PCDHA1: variants seen among roughly 807,000 people sequenced by gnomAD.
PCDHA1 encodes protocadherin alpha 1.
A neutral mutation model predicts 61.3 loss-of-function variants in PCDHA1; 42 were observed. The observed-to-expected ratio is 0.69, with a 90% CI of 0.54 to 0.89. PCDHA1 has a LOEUF of 0.89. Ranked by LOEUF, PCDHA1 falls within the 40% of genes least tolerant of loss-of-function variation. PCDHA1 has a pLI of 0.00. For missense variants in PCDHA1, 1,256 were observed against 1,235.3 expected (o/e 1.02, Z -0.25); for synonymous variants, 610 against 553.8 (o/e 1.10, Z -1.43).
intron 1 of PCDHA1, chr5:140,865,770 T>C (rs1554159611): frequency 6.6e-6 from 1 of 152,200 alleles, no homozygotes; most frequent in Non-Finnish European, 1.5e-5. Context: ...GGAGATATTA[T>C]TCAAATGTGT....
rs782681619 is a variant in PCDHA1, at chr5:141,009,600, A to G, written c.2543-27A>G. On this transcript the variant is annotated intron_variant, in intron 3 of 3. Coordinates refer to ENST00000504120, the MANE Select transcript of PCDHA1 (RefSeq NM_018900.4). ...ATCAAGAGCATGTGTTGACCCTGTT[A>G]ATGATTTGTAATGTTTTGTCTTTCA... The G allele has an allele frequency of 1.9e-6, 3 of 1,607,002 alleles. No individual in the cohort carries two copies. In the Admixed American group the frequency reaches 5.0e-5, roughly 27 times the overall value.
At chr5:140,988,698 A>AT (rs782470160) in intron 3 of PCDHA1, among the ~76,000 whole-genome samples, 115 of 152,234 alleles carry the variant, frequency 7.6e-4, no homozygotes, top group Middle Eastern at 6.8e-3. Flanking sequence ...GACGCTCTGT[A>AT]TTTTCTTGGA....
rs781863404 is a variant in PCDHA1, at chr5:141,010,259, G to C, written c.*322G>C. 6.4e-7 allele frequency: 1 copy of C among 1,551,820 alleles called. No individual in the cohort carries two copies. The highest frequency in any genetic ancestry group is 1.2e-5 in the South Asian group (1 of 84,074). On this transcript the variant is annotated 3_prime_UTR_variant, in exon 4 of 4. Coordinates refer to ENST00000504120, the MANE Select transcript of PCDHA1 (RefSeq NM_018900.4). Reference sequence around the variant, plus strand: ...TGAGAGGTTGGACTCTCTGCCCTGTGCTCCGGGGATCCTGTCTTGATGACA... The same window carrying C: ...TGAGAGGTTGGACTCTCTGCCCTGTCCTCCGGGGATCCTGTCTTGATGACA...
intron 1 of PCDHA1, chr5:140,802,166 G>A: frequency 1.2e-6 from 2 of 1,614,168 alleles, no homozygotes; most frequent in South Asian, 1.1e-5. Flanking sequence ...TAGAAGCCAC[G>A]GATAAAGGAA....
rs1159995588 is a variant in PCDHA1, at chr5:140,947,341, A to G, written c.2395-31608A>G. ...GGTTGACCATAAATGTGTGGGCTTA[A>G]TTCTGGACTCTATTTCACTCCTTTG... is the stretch of plus-strand genomic sequence containing the variant. On this transcript the variant is annotated intron_variant, in intron 1 of 3. Transcript: ENST00000504120. Among the ~76,000 whole-genome samples the G allele has an allele frequency of 2.6e-5, 4 of 151,804 alleles. No individual in the cohort carries two copies. The South Asian group carries it at 6.2e-4, about 24-fold the overall frequency.
intron 1 of PCDHA1, chr5:140,795,505 G>C (rs1314870723): frequency 1.2e-6 from 2 of 1,614,008 alleles, no homozygotes; most frequent in African/African-American, 2.7e-5. Flanking sequence ...TTTCTTCCTA[G>C]ATATACAGGC....
At chr5:140,864,034 T>C (rs2048289814) in intron 1 of PCDHA1, 1 of 153,038 alleles carries the variant, frequency 6.5e-6, no homozygotes, top group African/African-American at 2.4e-5. Flanking sequence ...CTAGCCATCT[T>C]AATCACTTTT....
chr5:140,788,652 C>A lies in PCDHA1; in HGVS notation c.2362C>A (p.Gln788Lys). Residue 788 changes from glutamine to lysine, a missense_variant, in exon 1 of 4, where the codon CAA (glutamine) becomes AAA (lysine). Transcript: ENST00000504120. The part of the protein sequence containing the change: ...PSLNTSERNE[Q>K]PEANLDLSGN... ...TCTTAACACGTCAGAAAGAAATGAA[C>A]AACCAGAAGCAAATTTGGATCTTTC... 1 of 1,581,566 alleles carries A rather than the reference C, an allele frequency of 6.3e-7. No homozygotes were observed. Among genetic ancestry groups the A allele is most frequent in the Non-Finnish European group, 8.6e-7 (1 of 1,164,068 alleles).
rs373307820 is a variant in PCDHA1 at position 140,857,638 on chromosome 5, A to G, written c.2394+68954A>G. The G allele has an allele frequency of 1.1e-4, 174 of 1,596,206 alleles. 22 individuals are homozygous for G. The highest frequency in any genetic ancestry group is 1.4e-4 in the Non-Finnish European group (161 of 1,167,602). ...TGGACCACGAGGAGCTGGAGCTGCT[A>G]CAGTTCCAGGTGAGCGCGCGCGATG... is the stretch of plus-strand genomic sequence containing the variant. On this transcript the variant is annotated intron_variant, in intron 1 of 3. Transcript: ENST00000504120.
Position 141,010,115 on chromosome 5 carries a change from C to A in PCDHA1, c.*178C>A, listed in dbSNP as rs1037998611. 1.2e-6 allele frequency: 2 copies of A among 1,609,682 alleles called. No individual in the cohort carries two copies. The highest frequency in any genetic ancestry group is 2.2e-5 in the South Asian group (2 of 90,640). ...CATTTAACAGGTTTTGTCGTAAAAG[C>A]TTTACTAAGTCTGGTGTTAACTCTT... On this transcript the variant is annotated 3_prime_UTR_variant, in exon 4 of 4. Transcript: ENST00000504120.
At position 140,850,766 on chromosome 5, in the gene PCDHA1, G is replaced by A. The variant is rs2150497576; in HGVS notation, c.2394+62082G>A. The A allele has an allele frequency of 3.1e-6, 5 of 1,598,074 alleles. No homozygotes were observed. In the South Asian group the frequency reaches 4.4e-5, roughly 14 times the overall value. On this transcript the variant is annotated intron_variant, in intron 1 of 3. Coordinates refer to ENST00000504120, the MANE Select transcript of PCDHA1 (RefSeq NM_018900.4). ...CGTACTCGCAGCAGAGGAGGCAGAG[G>A]GTGTGCTCTGGCGAGGGTAAGCAGA...
At chr5:140,915,825 C>T (rs1272581051) in intron 1 of PCDHA1, among the ~76,000 whole-genome samples, 1 of 152,118 alleles carries the variant, frequency 6.6e-6, no homozygotes, top group Non-Finnish European at 1.5e-5. Flanking sequence ...GGCCCTAGGG[C>T]TCTAAGATCA....
intron 1 of PCDHA1, among the ~76,000 whole-genome samples, chr5:140,799,054 A>T (rs1262692335): frequency 1.3e-5 from 2 of 152,196 alleles, no homozygotes; most frequent in Non-Finnish European, 2.9e-5. Flanking sequence ...TTATATTCAC[A>T]TATATCCAAA....
At chr5:140,972,691 G>A (rs1213069719) in intron 1 of PCDHA1, among the ~76,000 whole-genome samples, 3 of 137,348 alleles carry the variant, frequency 2.2e-5, no homozygotes, top group Admixed American at 1.5e-4. Flanking sequence ...TTGAGATGGA[G>A]TCTCACTCTG....
rs377069661 is a variant in PCDHA1 at position 140,915,905 on chromosome 5, G to A, written c.2395-63044G>A. ...AGCAAGTTCCCCCTGGCCCTGGGCA[G>A]GCCCAGAGATGCTACTTGGGAGTCA... On this transcript the variant is annotated intron_variant, in intron 1 of 3. Transcript: ENST00000504120. Among the ~76,000 whole-genome samples, 6 of 152,266 alleles carry A rather than the reference G, an allele frequency of 3.9e-5. No individual in the cohort carries two copies. In the East Asian group the frequency reaches 1.2e-3, roughly 29 times the overall value.
chr5:141,009,103 C>G (rs1440460108), intron 3 of PCDHA1, among the ~76,000 whole-genome samples: 1 of 152,170 alleles, frequency 6.6e-6, no homozygotes, highest in African/African-American at 2.4e-5. Flanking sequence ...ACATATGTTA[C>G]TATGAAACTA....
At chr5:140,805,437 T>TTG (rs781705195) in intron 1 of PCDHA1, 10 of 1,050,880 alleles carry the variant, frequency 9.5e-6, no homozygotes, top group African/African-American at 1.7e-5. Context: ...GTTTTGGTTT[T>TTG]TGTGTGTGTG....
intron 1 of PCDHA1, among the ~76,000 whole-genome samples, chr5:140,954,580 T>C (rs1193569920): frequency 1.3e-5 from 2 of 152,174 alleles, no homozygotes; most frequent in African/African-American, 4.8e-5. Flanking sequence ...TTTTCAGAAG[T>C]GTCTGTTCAT....
rs1761326693 is a variant in PCDHA1 at position 140,786,700 on chromosome 5, A to G, written c.410A>G (p.Glu137Gly). 6.2e-7 allele frequency: 1 copy of G among 1,614,100 alleles called. No homozygotes were observed. The highest frequency in any genetic ancestry group is 1.1e-5 in the South Asian group (1 of 91,088). Residue 137 changes from glutamate (E) to glycine (G), a missense_variant, in exon 1 of 4, where the codon GAA becomes GGA. By Grantham distance (98) the Glu-to-Gly change is moderately conservative. Transcript: ENST00000504120. ...NDNPPVFRGR[E>G]QIIFIPESRL... ...AATCCACCCGTCTTCAGGGGCAGAG[A>G]ACAAATAATATTTATTCCTGAATCT...
Sources: gnomAD v4.1 joint callset for allele counts (sites outside exome capture counted in the v4.1 genomes callset) on GRCh38, gnomAD v4.1.1 for gene constraint, MANE v1.5 for transcripts, NCBI Gene and HGNC (gene_info 2026-07-23, HGNC 2026-07-21) for gene names.